The following VPS13D variants were observed in gnomAD, a reference collection of about 807,000 sequenced individuals.
VPS13D encodes intermembrane lipid transfer protein VPS13D.
A neutral mutation model predicts 461.9 loss-of-function variants in VPS13D; 187 were observed. The observed-to-expected ratio is 0.40, with a 90% CI of 0.36 to 0.46. The LOEUF (loss-of-function observed/expected upper bound fraction) is 0.46, where lower values mean the gene tolerates loss of function less well. Ranked by LOEUF, VPS13D falls within the 20% of genes least tolerant of loss-of-function variation. The pLI, the probability that VPS13D is intolerant of heterozygous loss-of-function variation, is 0.60. For synonymous variants in VPS13D, 1,951 were observed against 1,986.3 expected, an observed-to-expected ratio of 0.98 and a Z score of 0.47; for missense variants, 4,711 against 5,364.9, an observed-to-expected ratio of 0.88 and a Z score of 3.81.
chr1:12,490,400 T>C (rs564685762), intron 67 of VPS13D, among the ~76,000 whole-genome samples: 3 of 152,350 alleles, frequency 2.0e-5, no homozygotes, highest in African/African-American at 7.2e-5. Flanking sequence ...GGGGAAGAAT[T>C]TCTCATGTAA....
At chr1:12,324,374 T>C (rs1392164587) in intron 35 of VPS13D, among the ~76,000 whole-genome samples, 1 of 152,100 alleles carries the variant, frequency 6.6e-6, no homozygotes, top group Non-Finnish European at 1.5e-5. Context: ...GCGTGGTGGC[T>C]CATGCCTGTA....
chr1:12,492,744 A>G (rs1385986316), intron 67 of VPS13D, among the ~76,000 whole-genome samples: 1 of 152,270 alleles, frequency 6.6e-6, no homozygotes, highest in Non-Finnish European at 1.5e-5. Flanking sequence ...TGTGCCATCA[A>G]CAGGAAGATG....
At chr1:12,378,706 C>T in intron 56 of VPS13D, 115 bp downstream of exon 56, 1 of 1,158,682 alleles carries the variant, frequency 8.6e-7, no homozygotes, top group Non-Finnish European at 1.1e-6. Flanking sequence ...ATATTTTTTT[C>T]AATGACAAAA....
chr1:12,376,203 A>T (rs533960547), intron 55 of VPS13D, among the ~76,000 whole-genome samples: 1 of 152,340 alleles, frequency 6.6e-6, no homozygotes, highest in South Asian at 2.1e-4. Flanking sequence ...TGGGAATTGG[A>T]GATGGGAAGC....
At chr1:12,278,908 G>A (rs72866612) in intron 19 of VPS13D, among the ~76,000 whole-genome samples, 2,150 of 152,324 alleles carry the variant, frequency 0.014, 39 homozygotes, top group African/African-American at 0.048. Flanking sequence ...GTCTTGGCAC[G>A]CAGAGATCAG....
intron 62 of VPS13D, chr1:12,402,560 T>A (rs1644595116): frequency 6.6e-6 from 1 of 152,260 alleles, no homozygotes; most frequent in South Asian, 2.1e-4. Context: ...TTGTTCTTTT[T>A]ATCCCAGATT....
Position 12,400,203 on chromosome 1 carries a change from CCACGCAGCCCTT to C in VPS13D, c.11660_11671del (p.Thr3887_Phe3890del), listed in dbSNP as rs1414855889. ...TAGGTGGACAATCAGCTCATTGGTA[CCACGCAGCCCTT>C]CATGCTCTATGTGACTCCCCTGAGC... On this transcript the variant is annotated inframe_deletion, in exon 61 of 70. Transcript: ENST00000620676. 6.2e-7 allele frequency: 1 copy of C among 1,614,004 alleles called. No homozygotes were observed. The highest frequency in any genetic ancestry group is 2.2e-5 in the East Asian group (1 of 44,882).
intron 1 of VPS13D, among the ~76,000 whole-genome samples, chr1:12,230,853 T>C (rs1471819511): frequency 8.5e-5 from 13 of 152,066 alleles, no homozygotes; most frequent in Admixed American, 7.2e-4. Context: ...CTCCAGGTTT[T>C]ACTTGGGTGG....
chr1:12,352,803 A>C (rs1643824596), intron 46 of VPS13D, among the ~76,000 whole-genome samples: 1 of 151,934 alleles, frequency 6.6e-6, no homozygotes, highest in Non-Finnish European at 1.5e-5. Context: ...GTCTCTACTA[A>C]AAATACAACA....
chr1:12,329,889 C>T lies in VPS13D; in HGVS notation c.8258C>T (p.Ser2753Phe). 2 of 1,614,000 alleles carry T rather than the reference C, an allele frequency of 1.2e-6. No homozygotes were observed. The highest frequency in any genetic ancestry group is 1.7e-6 in the Non-Finnish European group (2 of 1,179,990). The change falls in exon 37 of 70, where the codon TCT becomes TTT. Residue 2753 changes from serine to phenylalanine, a missense_variant. By Grantham distance (155) the Ser-to-Phe change is radical (BLOSUM62 -2). Coordinates refer to ENST00000620676, the MANE Select transcript of VPS13D (RefSeq NM_015378.4). The stretch of plus-strand genomic sequence containing the variant: ...GAAGGCTATGCCCACTTCACCCTTT[C>T]TGGAGATTATTATAACCGTGCTCTT... ...SPEGYAHFTL[S>F]GDYYNRALSG...
intron 67 of VPS13D, among the ~76,000 whole-genome samples, chr1:12,477,118 TG>T (rs557342799): frequency 1.3e-5 from 2 of 152,174 alleles, no homozygotes; most frequent in Non-Finnish European, 2.9e-5. Context: ...TTAACAAGCT[TG>T]GGCCCAACTC....
chr1:12,230,792 C>G lies in VPS13D; in HGVS notation c.-77+672C>G, dbSNP rs190105229. 1.9e-3 allele frequency among the ~76,000 whole-genome samples: 283 copies of G among 152,182 alleles called. 1 individual carries two copies. The Middle Eastern group carries it at 0.021, about 11-fold the overall frequency. On this transcript the variant is annotated intron_variant, in intron 1 of 69. Transcript: ENST00000620676. The stretch of plus-strand genomic sequence containing the variant: ...CTCTTTACCTTTTACCCCCCAGGGT[C>G]ACGCCCTGGCCCAGCCACTCCTCCT...
At chr1:12,344,543 AT>A (rs2101581362) in intron 42 of VPS13D, among the ~76,000 whole-genome samples, 1 of 152,334 alleles carries the variant, frequency 6.6e-6, no homozygotes, top group South Asian at 2.1e-4. Context: ...TGTTGGGAAC[AT>A]TTCTGGATAA....
chr1:12,319,476 T>A, intron 31 of VPS13D, 21 bp from the exon 32 acceptor site: 1 of 1,613,740 alleles, frequency 6.2e-7, no homozygotes, highest in Non-Finnish European at 8.5e-7. Context: ...CTGGCTTGAT[T>A]GACGACGTTG....
At chr1:12,388,127 C>A (rs975465700) in intron 60 of VPS13D, among the ~76,000 whole-genome samples, 5 of 152,046 alleles carry the variant, frequency 3.3e-5, no homozygotes, top group African/African-American at 7.2e-5. Flanking sequence ...AGCATAAAGG[C>A]TGAAGGGGAG....
chr1:12,343,068 T>C lies in VPS13D; in HGVS notation c.8885+17T>C. ...AAGACACAGGTAAAGTATGGTTTAT[T>C]CTTTTCTTTAAAAAAAAGAAAGTGG... On this transcript the variant is annotated intron_variant, in intron 42 of 69. Coordinates refer to ENST00000620676, the MANE Select transcript of VPS13D (RefSeq NM_015378.4). 1 of 1,576,576 alleles carries C rather than the reference T, an allele frequency of 6.3e-7. No homozygotes were observed. The highest frequency in any genetic ancestry group is 1.2e-5 in the South Asian group (1 of 85,978).
chr1:12,335,549 T>G (rs1236485358), intron 38 of VPS13D, among the ~76,000 whole-genome samples, 156 bp from the exon 39 acceptor site: 1 of 152,184 alleles, frequency 6.6e-6, no homozygotes, highest in Non-Finnish European at 1.5e-5. Flanking sequence ...CAGTGGAGCG[T>G]GAGGCTCTCC....
intron 63 of VPS13D, among the ~76,000 whole-genome samples, chr1:12,406,646 C>T (rs1407444946): frequency 6.6e-6 from 1 of 152,144 alleles, no homozygotes; most frequent in Non-Finnish European, 1.5e-5. Flanking sequence ...AGATAATAGT[C>T]CCATTTCACA....
intron 25 of VPS13D, among the ~76,000 whole-genome samples, chr1:12,300,688 A>G (rs1642401254): frequency 6.6e-6 from 1 of 152,194 alleles, no homozygotes; most frequent in Non-Finnish European, 1.5e-5. Flanking sequence ...CATTGGGGAA[A>G]CTAGGATTCT....
Sources: gnomAD v4.1 joint callset for allele counts (sites outside exome capture counted in the v4.1 genomes callset) on GRCh38, gnomAD v4.1.1 for gene constraint, MANE v1.5 for transcripts, NCBI Gene and HGNC (gene_info 2026-07-23, HGNC 2026-07-21) for gene names.